Variants in BMERB1 observed in about 807,000 individuals in gnomAD.
BMERB1 encodes bMERB domain containing 1, also known as bMERB domain-containing protein 1.
A neutral mutation model predicts 23.6 loss-of-function variants in BMERB1; 12 were observed. The ratio of observed to expected loss-of-function variants is 0.51; its 90% CI spans 0.33 to 0.82. BMERB1 has a LOEUF of 0.82. Among genes scored for constraint, BMERB1 ranks in the 40% least tolerant of loss-of-function variants. The probability of loss-of-function intolerance (pLI) is 0.03; values close to 1 mark genes in which losing one functional copy is unlikely to be tolerated. For missense variants in BMERB1, 247 were observed against 255.4 expected, an observed-to-expected ratio of 0.97 and a Z score of 0.22; for synonymous variants, 122 against 96.6, an observed-to-expected ratio of 1.26 and a Z score of -1.54.
At chr16:15,586,508 C>T (rs1474942371) in intron 5 of BMERB1, among the ~76,000 whole-genome samples, 1 of 152,084 alleles carries the variant, frequency 6.6e-6, no homozygotes, top group Non-Finnish European at 1.5e-5. Context: ...GCATTGAGGA[C>T]CATATAAAAT....
intron 2 of BMERB1, among the ~76,000 whole-genome samples, chr16:15,531,379 C>T (rs1342462732): frequency 6.6e-6 from 1 of 152,178 alleles, no homozygotes; most frequent in Non-Finnish European, 1.5e-5. Flanking sequence ...GAAGCATGAG[C>T]CACCATGCCT....
intron 2 of BMERB1, among the ~76,000 whole-genome samples, chr16:15,521,712 G>C (rs951655661): frequency 2.0e-5 from 3 of 152,108 alleles, no homozygotes; most frequent in African/African-American, 7.2e-5. Context: ...TCTCTTTCTT[G>C]AGGCTTGGCA....
At chr16:15,569,615 A>C (rs889373512) in intron 3 of BMERB1, among the ~76,000 whole-genome samples, 1 of 152,144 alleles carries the variant, frequency 6.6e-6, no homozygotes, top group African/African-American at 2.4e-5. Flanking sequence ...ATCAGAATGG[A>C]TGCTGCTGAT....
At chr16:15,448,915 C>T (rs1354679444) in intron 1 of BMERB1, among the ~76,000 whole-genome samples, 1 of 152,118 alleles carries the variant, frequency 6.6e-6, no homozygotes. Context: ...GAATAGGTAC[C>T]ATGAATGGGA....
Position 15,554,287 on chromosome 16 carries a change from C to T in BMERB1, c.231-13696C>T, listed in dbSNP as rs140270636. On this transcript the variant is annotated intron_variant, in intron 2 of 5. Transcript: ENST00000300006. ...CAAGTTCCTACCACTTACTCTGTGA[C>T]GTTGAACAAGTTCTTTATCCTGTCT... Among the ~76,000 whole-genome samples, 20 of 152,260 alleles carry T rather than the reference C, an allele frequency of 1.3e-4. No individual in the cohort carries two copies. In the East Asian group the frequency reaches 3.5e-3, roughly 26 times the overall value.
At chr16:15,541,572 G>T (rs1221795741) in intron 2 of BMERB1, among the ~76,000 whole-genome samples, 1 of 150,508 alleles carries the variant, frequency 6.6e-6, no homozygotes, top group East Asian at 2.0e-4. Flanking sequence ...TACACAGGTG[G>T]GTGCCAACAT....
At chr16:15,458,831 G>A (rs965023708) in intron 1 of BMERB1, among the ~76,000 whole-genome samples, 2 of 152,044 alleles carry the variant, frequency 1.3e-5, no homozygotes, top group Non-Finnish European at 1.5e-5. Context: ...ACAAAGCCAG[G>A]TGCGGTGGCT....
chr16:15,561,662 A>G (rs2030425690), intron 2 of BMERB1, among the ~76,000 whole-genome samples: 1 of 152,040 alleles, frequency 6.6e-6, no homozygotes, highest in Non-Finnish European at 1.5e-5. Context: ...GGAGGCTGAC[A>G]TGGGAGGATC....
intron 1 of BMERB1, among the ~76,000 whole-genome samples, chr16:15,471,619 G>C (rs983839972): frequency 2.0e-5 from 3 of 152,136 alleles, no homozygotes; most frequent in East Asian, 1.9e-4. Flanking sequence ...CTCTCTCTCT[G>C]TCTGTCTCTT....
At chr16:15,585,919 C>G (rs1235405798) in intron 5 of BMERB1, among the ~76,000 whole-genome samples, 4 of 151,796 alleles carry the variant, frequency 2.6e-5, no homozygotes, top group African/African-American at 9.7e-5. Context: ...CTCCCAAGAA[C>G]CAAAAATATA....
At chr16:15,444,333 C>T (rs1274958625) in intron 1 of BMERB1, among the ~76,000 whole-genome samples, 1 of 151,538 alleles carries the variant, frequency 6.6e-6, no homozygotes, top group East Asian at 1.9e-4. Context: ...TGGGCGTCTC[C>T]TGTGCACTTG....
In BMERB1 at chr16:15,480,751, C is replaced by A. The variant is rs931336695; in HGVS notation, c.107-34554C>A. ...GCCTCAGCCTCCCAAGTAGCTGGGA[C>A]TACAGGCATGCACCACCACACCGAG... is the stretch of plus-strand genomic sequence containing the variant. On this transcript the variant is annotated intron_variant, in intron 1 of 5. Transcript: ENST00000300006. 2.0e-5 allele frequency among the ~76,000 whole-genome samples: 3 copies of A among 151,396 alleles called. No homozygotes were observed. The South Asian group carries it at 6.3e-4, about 32-fold the overall frequency.
intron 1 of BMERB1, among the ~76,000 whole-genome samples, chr16:15,457,485 T>C (rs1281311966): frequency 6.6e-6 from 1 of 152,198 alleles, no homozygotes; most frequent in Non-Finnish European, 1.5e-5. Flanking sequence ...GAATATGACC[T>C]CTGCTTAAGT....
In BMERB1 at chr16:15,453,591, C is replaced by T. The variant is rs553664660; in HGVS notation, c.106+18832C>T. Among the ~76,000 whole-genome samples the T allele has an allele frequency of 1.3e-4, 19 of 151,084 alleles. 1 individual carries two copies. The highest frequency in any genetic ancestry group is 2.6e-4 in the Admixed American group (4 of 15,146). Reference sequence around the variant, plus strand: ...AGTGAGACCCTGTTCTAAAACTAACCGGCTGGGCGAGGTGGCTCACCTGTA... The same window carrying T: ...AGTGAGACCCTGTTCTAAAACTAACTGGCTGGGCGAGGTGGCTCACCTGTA... On this transcript the variant is annotated intron_variant, in intron 1 of 5. Transcript: ENST00000300006.
chr16:15,474,089 C>T (rs1294497429), intron 1 of BMERB1, among the ~76,000 whole-genome samples: 1 of 148,244 alleles, frequency 6.7e-6, no homozygotes, highest in African/African-American at 2.5e-5. Context: ...CACTGCACTC[C>T]AGCCTCGGTG....
chr16:15,458,088 G>A (rs2051100474), intron 1 of BMERB1, among the ~76,000 whole-genome samples: 1 of 152,184 alleles, frequency 6.6e-6, no homozygotes, highest in African/African-American at 2.4e-5. Flanking sequence ...TACAATTCAA[G>A]ATGAGATTTG....
chr16:15,544,862 T>G (rs994178320), intron 2 of BMERB1, among the ~76,000 whole-genome samples: 2 of 152,222 alleles, frequency 1.3e-5, no homozygotes, highest in African/African-American at 4.8e-5. Context: ...AGGAAGACAC[T>G]CTATCAGAGA....
chr16:15,538,055 C>T (rs1007545458), intron 2 of BMERB1, among the ~76,000 whole-genome samples: 3 of 152,152 alleles, frequency 2.0e-5, no homozygotes, highest in African/African-American at 7.2e-5. Context: ...GTTTAATTTA[C>T]CTTTGAAAGC....
chr16:15,535,908 G>A (rs1234919246), intron 2 of BMERB1, among the ~76,000 whole-genome samples: 1 of 152,112 alleles, frequency 6.6e-6, no homozygotes, highest in African/African-American at 2.4e-5. Context: ...AGAGCCAGCA[G>A]GGGAAATGCC....
Sources: allele counts gnomAD v4.1 joint callset (sites outside exome capture counted in the v4.1 genomes callset), GRCh38; gene constraint gnomAD v4.1.1; transcripts MANE v1.5; gene names NCBI Gene and HGNC (gene_info 2026-07-23, HGNC 2026-07-21).